Variants in ADARB2 observed in about 807,000 individuals in gnomAD.
ADARB2 encodes adenosine deaminase RNA specific B2 (inactive).
Under a neutral mutation model 62.2 loss-of-function variants are expected in ADARB2, and 25 were observed. The ratio of observed to expected loss-of-function variants is 0.40; its 90% CI spans 0.29 to 0.56. The LOEUF (loss-of-function observed/expected upper bound fraction) is 0.56, where lower values mean the gene tolerates loss of function less well. ADARB2 is among the 20% of genes least tolerant of loss of function. The pLI is 0.43. For synonymous variants in ADARB2, 572 were observed against 500.8 expected (o/e 1.14, Z -1.90); for missense variants, 1,071 against 1,077.4 (o/e 0.99, Z 0.08).
chr10:1,526,302 T>G (rs370775193), intron 1 of ADARB2, among the ~76,000 whole-genome samples: 9 of 152,058 alleles, frequency 5.9e-5, no homozygotes, highest in African/African-American at 2.2e-4. Flanking sequence ...ACCCCATCCC[T>G]AGTCTTGTAG....
chr10:1,594,548 G>T (rs1467527258), intron 1 of ADARB2, among the ~76,000 whole-genome samples: 1 of 152,156 alleles, frequency 6.6e-6, no homozygotes, highest in African/African-American at 2.4e-5. Flanking sequence ...CCATCAAGCG[G>T]CCCAATCTCT....
In ADARB2 at chr10:1,519,361, A is replaced by G. The variant is rs750296118; in HGVS notation, c.101-140201T>C. Among the ~76,000 whole-genome samples, 7 of 152,296 alleles carry G rather than the reference A, an allele frequency of 4.6e-5. No individual in the cohort carries two copies. In the Middle Eastern group the frequency reaches 0.01, roughly 222 times the overall value. ...ATCTGTACATGGTGTGGTCATACAC[A>G]TGCATTCTGTGTAACGACTGCAGGT... On this transcript the variant is annotated intron_variant, in intron 1 of 9. Transcript: ENST00000381312.
intron 1 of ADARB2, among the ~76,000 whole-genome samples, chr10:1,607,023 A>C (rs1195991738): frequency 1.3e-5 from 2 of 152,256 alleles, no homozygotes; most frequent in Non-Finnish European, 2.9e-5. Context: ...TAACAACAAC[A>C]AAAACAAAGC....
intron 1 of ADARB2, among the ~76,000 whole-genome samples, chr10:1,401,821 G>A (rs188470272): frequency 1.1e-3 from 175 of 152,234 alleles, no homozygotes; most frequent in Non-Finnish European, 2.0e-3. Context: ...CCTGGGGAGC[G>A]GTTCCCAAAG....
At chr10:1,678,306 A>G (rs767132621) in intron 1 of ADARB2, 5 of 984,126 alleles carry the variant, frequency 5.1e-6, no homozygotes, top group Non-Finnish European at 6.0e-6. Context: ...GAGCATCCTC[A>G]GGGTGAGCGT....
intron 1 of ADARB2, among the ~76,000 whole-genome samples, chr10:1,671,462 A>G (rs899210220): frequency 3.4e-4 from 51 of 152,166 alleles, no homozygotes; most frequent in African/African-American, 1.2e-3. Context: ...GACAGCCATC[A>G]CCACCCGTCA....
chr10:1,720,253 C>T (rs1835073599), intron 1 of ADARB2, among the ~76,000 whole-genome samples: 1 of 152,042 alleles, frequency 6.6e-6, no homozygotes, highest in Admixed American at 6.5e-5. Context: ...AGGCTGTTAC[C>T]CTGAGAAAAT....
At chr10:1,443,485 A>G (rs942890219) in intron 1 of ADARB2, among the ~76,000 whole-genome samples, 11 of 152,168 alleles carry the variant, frequency 7.2e-5, no homozygotes, top group African/African-American at 7.2e-5. Context: ...AAATTGAATT[A>G]GTATTTTTAT....
intron 8 of ADARB2, among the ~76,000 whole-genome samples, chr10:1,186,893 G>A (rs1348373483): frequency 6.6e-6 from 1 of 152,226 alleles, no homozygotes; most frequent in Non-Finnish European, 1.5e-5. Flanking sequence ...TCACGTGGTA[G>A]CACAGCTCAT....
At position 1,424,433 on chromosome 10, in the gene ADARB2, C is replaced by A. The variant is rs187223279; in HGVS notation, c.101-45273G>T. ...CCACGCGAGATGGCATGCTCTGAGG[C>A]CTCTTCCTCGTGTTTAATGACTCGT... On this transcript the variant is annotated intron_variant, in intron 1 of 9. Coordinates refer to ENST00000381312, the MANE Select transcript of ADARB2 (RefSeq NM_018702.4). Among the ~76,000 whole-genome samples, 701 of 152,230 alleles carry A rather than the reference C, an allele frequency of 4.6e-3. 7 individuals carry two copies. The highest frequency in any genetic ancestry group is 0.014 in the Middle Eastern group (4 of 294).
chr10:1,286,208 C>T (rs1252303351), intron 3 of ADARB2, among the ~76,000 whole-genome samples: 1 of 152,208 alleles, frequency 6.6e-6, no homozygotes, highest in African/African-American at 2.4e-5. Flanking sequence ...TCTCAAACAA[C>T]ACACCCCGTC....
chr10:1,653,510 T>C (rs1179872923), intron 1 of ADARB2, among the ~76,000 whole-genome samples: 1 of 152,086 alleles, frequency 6.6e-6, no homozygotes, highest in African/African-American at 2.4e-5. Flanking sequence ...CTTGTGTGCC[T>C]GCAGAGCCGC....
At chr10:1,222,678 T>C (rs1042977323) in intron 6 of ADARB2, among the ~76,000 whole-genome samples, 1 of 149,522 alleles carries the variant, frequency 6.7e-6, no homozygotes, top group African/African-American at 2.6e-5. Context: ...AGGGAATCCT[T>C]TCCCCATTGC....
In ADARB2 at chr10:1,200,095, C is replaced by T. The variant is rs561178267; in HGVS notation, c.1735G>A (p.Val579Met). The change falls in exon 8 of 10, where the codon GTG becomes ATG. Residue 579 changes from valine (V) to methionine (M), a missense_variant. Transcript: ENST00000381312. The part of the protein sequence containing the change: ...GALLSHFVEP[V>M]YLQSIVVGSL... ...CCCACCACGATGCTCTGCAGGTACA[C>T]GGGCTCCACGAAGTGGGACAGGAGC... The T allele has an allele frequency of 3.0e-5, 47 of 1,564,776 alleles. No homozygotes were observed. The highest frequency in any genetic ancestry group is 2.6e-4 in the South Asian group (22 of 85,184).
intron 1 of ADARB2, among the ~76,000 whole-genome samples, chr10:1,714,708 C>G (rs996007528): frequency 6.6e-6 from 1 of 152,210 alleles, no homozygotes; most frequent in Admixed American, 6.5e-5. Context: ...CCGTGCCCAT[C>G]TGAACCTTAG....
intron 1 of ADARB2, among the ~76,000 whole-genome samples, chr10:1,505,355 G>A (rs2131940864): frequency 6.6e-6 from 1 of 151,850 alleles, no homozygotes; most frequent in African/African-American, 2.4e-5. Flanking sequence ...AGGGAAGATG[G>A]CACCTGCAAG....
chr10:1,453,445 T>TA (rs1831062184), intron 1 of ADARB2, among the ~76,000 whole-genome samples: 1 of 152,198 alleles, frequency 6.6e-6, no homozygotes, highest in East Asian at 1.9e-4. Context: ...GTATATGGTG[T>TA]AATGTAAGGG....
At chr10:1,677,662 CT>C (rs1210885511) in intron 1 of ADARB2, among the ~76,000 whole-genome samples, 1 of 151,882 alleles carries the variant, frequency 6.6e-6, no homozygotes, top group Non-Finnish European at 1.5e-5. Context: ...GTTGGATTCA[CT>C]TTTTACCTTT....
intron 1 of ADARB2, among the ~76,000 whole-genome samples, chr10:1,474,354 C>T (rs1279538655): frequency 1.3e-5 from 2 of 152,160 alleles, no homozygotes; most frequent in African/African-American, 4.8e-5. Flanking sequence ...GGATGAGCTT[C>T]CATGATGGAA....
Sources: gnomAD v4.1 joint callset for allele counts (sites outside exome capture counted in the v4.1 genomes callset) on GRCh38, gnomAD v4.1.1 for gene constraint, MANE v1.5 for transcripts, NCBI Gene and HGNC (gene_info 2026-07-23, HGNC 2026-07-21) for gene names.